The following SAMD5 variants were observed in gnomAD, a reference collection of about 807,000 sequenced individuals.
The protein encoded by SAMD5 is sterile alpha motif domain containing 5.
A neutral mutation model predicts 11.3 loss-of-function variants in SAMD5; 13 were observed. The observed-to-expected ratio is 1.15, with a 90% CI of 0.75 to 1.83. The LOEUF (loss-of-function observed/expected upper bound fraction) is 1.83, where lower values mean the gene tolerates loss of function less well. Ranked by LOEUF, SAMD5 falls within the 40% of genes most tolerant of loss-of-function variation. SAMD5 has a pLI of 0.00. For missense variants in SAMD5, 255 were observed against 239.1 expected (o/e 1.07, Z -0.44); for synonymous variants, 129 against 111.3 (o/e 1.16, Z -1.00).
chr6:147,847,781 A>T, the SAMD5 span, among the ~76,000 whole-genome samples: 1 of 152,172 alleles, frequency 6.6e-6, no homozygotes, highest in Non-Finnish European at 1.5e-5. Context: ...TGAACCTGGG[A>T]GATAGAGGTT....
chr6:147,568,236 A>T lies in SAMD5; in HGVS notation c.*3780A>T. ...ACTCTTTTCTATGAAAAGAAAAACC[A>T]GATATACCAGGGACTGGAAAGCACC... On this transcript the variant is annotated 3_prime_UTR_variant, in exon 2 of 2. Transcript: ENST00000367474. The T allele has an allele frequency of 1.0e-6, 1 of 985,408 alleles. No homozygotes were observed. Among genetic ancestry groups the T allele is most frequent in the Non-Finnish European group, 1.2e-6 (1 of 829,926 alleles). The allele number at this position is 985,408 out of a possible 1,614,324, so 61.0% of individuals were successfully genotyped here. A position where few individuals can be genotyped will look rare whatever the true frequency, so the allele number is the denominator to read the frequency against.
At chr6:147,787,226 G>A in the SAMD5 span, among the ~76,000 whole-genome samples, 1 of 152,172 alleles carries the variant, frequency 6.6e-6, no homozygotes, top group East Asian at 1.9e-4. Flanking sequence ...AATTGCCCAT[G>A]GAAATGGAAT....
chr6:147,569,314 T>C lies in SAMD5; in HGVS notation c.*4858T>C. The C allele has an allele frequency of 6.1e-6, 3 of 491,454 alleles. No individual in the cohort carries two copies. The highest frequency in any genetic ancestry group is 7.9e-6 in the Non-Finnish European group (3 of 379,050). 30.4% of individuals were successfully genotyped at this position (491,454 alleles called of 1,614,324 possible). A position where few individuals can be genotyped will look rare whatever the true frequency, so the allele number is the denominator to read the frequency against. On this transcript the variant is annotated 3_prime_UTR_variant, in exon 2 of 2. Coordinates refer to ENST00000367474, the MANE Select transcript of SAMD5 (RefSeq NM_001030060.3). ...AATTTTTTAAAATTGTTTAAACTCC[T>C]GGAAATTAAGTGTTATTTTTTATTA... is the stretch of plus-strand genomic sequence containing the variant.
intron 1 of SAMD5, among the ~76,000 whole-genome samples, chr6:147,558,221 G>GAGAGAC (rs2128443792): frequency 6.6e-6 from 1 of 152,282 alleles, no homozygotes; most frequent in Admixed American, 6.5e-5. Flanking sequence ...ATAGGTTGAT[G>GAGAGAC]AGAGACAGAG....
intron 1 of SAMD5, among the ~76,000 whole-genome samples, chr6:147,701,612 A>C (rs1235432628): frequency 6.6e-6 from 1 of 151,238 alleles, no homozygotes; most frequent in Non-Finnish European, 1.5e-5. Context: ...AGTGAGCCAA[A>C]ATTGTGCCCT....
intron 1 of SAMD5, among the ~76,000 whole-genome samples, chr6:147,634,991 G>C (rs548501657): frequency 2.6e-5 from 4 of 152,330 alleles, no homozygotes; most frequent in African/African-American, 9.6e-5. Flanking sequence ...AGTGGTAACA[G>C]CCAAATGGAG....
In SAMD5 at chr6:147,518,168, C is replaced by T. The variant is rs62434705; in HGVS notation, c.459+8781C>T. Among the ~76,000 whole-genome samples the T allele has an allele frequency of 5.7e-3, 866 of 152,128 alleles. 8 individuals are homozygous for T. The highest frequency in any genetic ancestry group is 9.8e-3 in the Non-Finnish European group (669 of 67,998). On this transcript the variant is annotated intron_variant, in intron 1 of 1. Coordinates refer to ENST00000367474, the MANE Select transcript of SAMD5 (RefSeq NM_001030060.3). ...GGATATCAGTAAACTGTGCAGCACT[C>T]GATGGATTAATCAGGATTTGGATAG...
intron 1 of SAMD5, among the ~76,000 whole-genome samples, chr6:147,523,633 G>C (rs1055275176): frequency 6.6e-6 from 1 of 152,148 alleles, no homozygotes; most frequent in Non-Finnish European, 1.5e-5. Flanking sequence ...TATTTTCATG[G>C]CCAGAAAGTA....
the SAMD5 span, among the ~76,000 whole-genome samples, chr6:147,886,872 C>G: frequency 6.6e-6 from 1 of 152,170 alleles, no homozygotes; most frequent in Non-Finnish European, 1.5e-5. Context: ...AGCCCTACAG[C>G]TACAAGCTAT....
chr6:147,737,697 T>C (rs1386254332), downstream of SAMD5: 4 of 153,354 alleles, frequency 2.6e-5, no homozygotes, highest in African/African-American at 7.9e-5. Context: ...TTTTTTTTTT[T>C]TTTGCCCCTG....
chr6:147,776,830 T>C, the SAMD5 span, among the ~76,000 whole-genome samples: 1 of 152,200 alleles, frequency 6.6e-6, no homozygotes, highest in Non-Finnish European at 1.5e-5. Flanking sequence ...CCAAAGGTAA[T>C]GGTCTCTCCC....
the SAMD5 span, among the ~76,000 whole-genome samples, chr6:147,922,257 C>T: frequency 3.3e-5 from 5 of 152,076 alleles, no homozygotes; most frequent in East Asian, 7.7e-4. Context: ...GTGAGCAAAC[C>T]GATTTCCACT....
the SAMD5 span, among the ~76,000 whole-genome samples, chr6:147,865,146 G>A: frequency 5.3e-5 from 8 of 152,306 alleles, no homozygotes; most frequent in East Asian, 1.5e-3. Context: ...TCTTACTTTA[G>A]AGTGAACTGA....
At chr6:147,908,302 G>C in the SAMD5 span, among the ~76,000 whole-genome samples, 2 of 152,178 alleles carry the variant, frequency 1.3e-5, no homozygotes, top group Admixed American at 6.5e-5. Flanking sequence ...CTGTGCTGAG[G>C]CTGGCAAAGG....
chr6:147,931,716 A>G, the SAMD5 span, among the ~76,000 whole-genome samples: 1 of 152,228 alleles, frequency 6.6e-6, no homozygotes, highest in African/African-American at 2.4e-5. Flanking sequence ...ACATGCTGCC[A>G]GTCTGTTCAT....
chr6:147,604,471 A>C (rs1044313020), intron 1 of SAMD5, among the ~76,000 whole-genome samples: 2 of 152,226 alleles, frequency 1.3e-5, no homozygotes, highest in Non-Finnish European at 2.9e-5. Flanking sequence ...ATGTAATTAC[A>C]AAATCACGTT....
the SAMD5 span, among the ~76,000 whole-genome samples, chr6:147,880,993 TC>T: frequency 6.6e-6 from 1 of 152,136 alleles, no homozygotes; most frequent in African/African-American, 2.4e-5. Context: ...GATTCATTCT[TC>T]CTTTTTAACT....
the SAMD5 span, among the ~76,000 whole-genome samples, chr6:147,911,832 T>A: frequency 1.3e-5 from 2 of 152,238 alleles, no homozygotes; most frequent in African/African-American, 4.8e-5. Context: ...AGACTAGCCA[T>A]GCATCAGCTC....
At chr6:147,943,985 T>C in the SAMD5 span, among the ~76,000 whole-genome samples, 1 of 152,130 alleles carries the variant, frequency 6.6e-6, no homozygotes, top group Non-Finnish European at 1.5e-5. Context: ...GGCTGCCCTT[T>C]GGGATCATCA....
Sources: allele counts gnomAD v4.1 joint callset (sites outside exome capture counted in the v4.1 genomes callset), GRCh38; gene constraint gnomAD v4.1.1; transcripts MANE v1.5; gene names NCBI Gene and HGNC (gene_info 2026-07-23, HGNC 2026-07-21).